PACC1: variants seen among roughly 807,000 people sequenced by gnomAD.
PACC1 encodes the protein proton activated chloride channel 1, also known as proton-activated chloride channel.
Under a neutral mutation model 39.7 loss-of-function variants are expected in PACC1, and 34 were observed. That is an observed-to-expected ratio of 0.86 (90% CI 0.65 to 1.14). The LOEUF (loss-of-function observed/expected upper bound fraction) is 1.14, where lower values mean the gene tolerates loss of function less well. Ranked by LOEUF, PACC1 falls within the 50% of genes most tolerant of loss-of-function variation. PACC1 has a pLI of 0.00. For missense variants in PACC1, 379 were observed against 436.4 expected, an observed-to-expected ratio of 0.87 and a Z score of 1.17; for synonymous variants, 127 against 160.6, an observed-to-expected ratio of 0.79 and a Z score of 1.58.
At chr1:212,407,213 T>A (rs912644598) in intron 2 of PACC1, among the ~76,000 whole-genome samples, 4 of 152,156 alleles carry the variant, frequency 2.6e-5, no homozygotes, top group Non-Finnish European at 4.4e-5. Flanking sequence ...AGAGTCAGCA[T>A]CAGAGTGATG....
chr1:212,394,307 T>C (rs1086894), intron 2 of PACC1, among the ~76,000 whole-genome samples: 118,637 of 152,174 alleles, frequency 0.78, 47,057 homozygotes, highest in African/African-American at 0.91. Flanking sequence ...AAACATAATC[T>C]GCATATAAAC....
intron 2 of PACC1, among the ~76,000 whole-genome samples, chr1:212,400,798 G>T (rs571221925): frequency 2.8e-4 from 42 of 152,176 alleles, no homozygotes; most frequent in Admixed American, 5.2e-4. Context: ...TCCTGGGAAA[G>T]GTAGTTTATA....
rs1571685040 is a variant in PACC1, at chr1:212,410,011, T to C, written c.133+414A>G. 2.1e-5 allele frequency: 4 copies of C among 187,484 alleles called. No homozygotes were observed. The East Asian group carries it at 4.7e-4, about 22-fold the overall frequency. The allele number at this position is 187,484 out of a possible 1,614,324, so 11.6% of individuals were successfully genotyped here. On this transcript the variant is annotated intron_variant, in intron 2 of 7. Coordinates refer to ENST00000261455, the MANE Select transcript of PACC1 (RefSeq NM_018252.3). ...AACATTGCCGTAGGGCTCCATAAGA[T>C]GCCAACTGACTGATGGGACCCTGCT...
intron 7 of PACC1, among the ~76,000 whole-genome samples, chr1:212,366,158 C>A (rs1052515895): frequency 1.3e-5 from 2 of 152,154 alleles, no homozygotes; most frequent in African/African-American, 4.8e-5. Context: ...CCTATGAATG[C>A]CCTTCACAGT....
intron 4 of PACC1, among the ~76,000 whole-genome samples, chr1:212,382,070 G>A (rs1280436269): frequency 1.3e-5 from 2 of 151,064 alleles, no homozygotes; most frequent in African/African-American, 2.4e-5. Context: ...ACGGTGTCTC[G>A]CTCTGTTGCC....
intron 2 of PACC1, among the ~76,000 whole-genome samples, chr1:212,400,130 G>C: frequency 6.6e-6 from 1 of 151,942 alleles, no homozygotes; most frequent in Non-Finnish European, 1.5e-5. Context: ...ACAGGGATGA[G>C]CCACTGCACC....
chr1:212,379,537 G>A (rs911982498), intron 5 of PACC1, among the ~76,000 whole-genome samples: 1 of 152,160 alleles, frequency 6.6e-6, no homozygotes, highest in African/African-American at 2.4e-5. Flanking sequence ...GCACACTGTG[G>A]GGGAAACCAA....
chr1:212,405,558 C>A (rs1393801444), intron 2 of PACC1, among the ~76,000 whole-genome samples: 5 of 152,168 alleles, frequency 3.3e-5, no homozygotes, highest in Admixed American at 3.3e-4. Context: ...CCTGGAGGAA[C>A]TTACTCACCC....
chr1:212,368,215 G>C (rs147975066), intron 7 of PACC1, among the ~76,000 whole-genome samples: 211 of 152,296 alleles, frequency 1.4e-3, no homozygotes, highest in African/African-American at 4.7e-3. Flanking sequence ...TACACGCTTA[G>C]GGAACTCATC....
At chr1:212,382,132 G>A (rs1007090483) in intron 4 of PACC1, among the ~76,000 whole-genome samples, 3 of 151,834 alleles carry the variant, frequency 2.0e-5, no homozygotes, top group East Asian at 1.9e-4. Context: ...TCCGCCTCCC[G>A]GGTTCAGGCG....
chr1:212,394,483 T>G lies in PACC1; in HGVS notation c.134-7383A>C, dbSNP rs537568227. ...GACAAACCTACAGCCAATATCATAC[T>G]GAATGGGCAAAAACTGGAAGCATTC... On this transcript the variant is annotated intron_variant, in intron 2 of 7. Transcript: ENST00000261455. Among the ~76,000 whole-genome samples the G allele has an allele frequency of 2.6e-5, 4 of 152,330 alleles. No individual in the cohort carries two copies. In the South Asian group the frequency reaches 8.3e-4, roughly 32 times the overall value.
chr1:212,365,481 G>A, intron 7 of PACC1, 105 bp from the exon 8 acceptor site: 1 of 1,220,930 alleles, frequency 8.2e-7, no homozygotes, highest in Non-Finnish European at 1.1e-6. Flanking sequence ...ACCCAGGCTT[G>A]TGTGCGTGGC....
At chr1:212,397,532 T>C (rs1661570282) in intron 2 of PACC1, among the ~76,000 whole-genome samples, 2 of 152,324 alleles carry the variant, frequency 1.3e-5, no homozygotes, top group South Asian at 2.1e-4. Context: ...CAAAGTCTCC[T>C]GGGTTGGTAA....
chr1:212,402,808 C>T (rs995298706), intron 2 of PACC1, among the ~76,000 whole-genome samples: 11 of 152,260 alleles, frequency 7.2e-5, no homozygotes, highest in South Asian at 4.1e-4. Context: ...GCATGAGCCA[C>T]CATGCCTGGC....
chr1:212,382,246 T>C (rs1287130449), intron 4 of PACC1, among the ~76,000 whole-genome samples: 1 of 152,106 alleles, frequency 6.6e-6, no homozygotes, highest in Non-Finnish European at 1.5e-5. Context: ...GGTTTCACCA[T>C]GTTAGCCAGG....
rs1371601415 is a variant in PACC1, at chr1:212,364,123, C to G, written c.*1092G>C. On this transcript the variant is annotated 3_prime_UTR_variant, in exon 8 of 8. Transcript: ENST00000261455. The stretch of plus-strand genomic sequence containing the variant: ...AAACTCTGGAAACAATTTTTAGAAC[C>G]TTAATGTGAAAAATAGACTTTTTTT... The G allele has an allele frequency of 6.6e-6, 1 of 152,130 alleles. No homozygotes were observed. 9.4% of individuals were successfully genotyped at this position (152,130 alleles called of 1,614,324 possible).
chr1:212,365,183 G>A lies in PACC1; in HGVS notation c.*32C>T. On this transcript the variant is annotated 3_prime_UTR_variant, in exon 8 of 8. Coordinates refer to ENST00000261455, the MANE Select transcript of PACC1 (RefSeq NM_018252.3). Reference sequence around the variant, plus strand: ...GGAAGTGATGACAGCTCCCATTGATGTGGACAGTTCTCTAAACAACGCGAG... The same window carrying A: ...GGAAGTGATGACAGCTCCCATTGATATGGACAGTTCTCTAAACAACGCGAG... The A allele has an allele frequency of 6.2e-7, 1 of 1,602,772 alleles. No homozygotes were observed. The highest frequency in any genetic ancestry group is 1.1e-5 in the South Asian group (1 of 89,822).
At chr1:212,403,376 C>T (rs914724712) in intron 2 of PACC1, among the ~76,000 whole-genome samples, 9 of 152,148 alleles carry the variant, frequency 5.9e-5, no homozygotes, top group Non-Finnish European at 1.3e-4. Context: ...GGCCCCCAAA[C>T]AGGGATGTTT....
At chr1:212,391,714 T>A (rs1661325528) in intron 2 of PACC1, among the ~76,000 whole-genome samples, 1 of 152,130 alleles carries the variant, frequency 6.6e-6, no homozygotes, top group Admixed American at 6.5e-5. Flanking sequence ...GACGAATGGC[T>A]AACTAGAATA....
Sources: allele counts gnomAD v4.1 joint callset (sites outside exome capture counted in the v4.1 genomes callset), GRCh38; gene constraint gnomAD v4.1.1; transcripts MANE v1.5; gene names NCBI Gene and HGNC (gene_info 2026-07-23, HGNC 2026-07-21).